Variants in CNPY2 observed in about 807,000 individuals in gnomAD.
CNPY2 encodes the protein protein canopy homolog 2.
In CNPY2, 19 loss-of-function variants were observed where a neutral mutation model predicts 25.5. The ratio of observed to expected loss-of-function variants is 0.74; its 90% CI spans 0.52 to 1.09. The LOEUF (loss-of-function observed/expected upper bound fraction) is 1.09, where lower values mean the gene tolerates loss of function less well. Ranked by LOEUF, CNPY2 falls within the 50% of genes least tolerant of loss-of-function variation. The pLI is 0.00. For missense variants in CNPY2, 214 were observed against 233.6 expected (o/e 0.92, Z 0.55); for synonymous variants, 82 against 85.0 (o/e 0.96, Z 0.19).
Position 56,312,899 on chromosome 12 carries a change from C to G in CNPY2, c.205-1485G>C, listed in dbSNP as rs1376070086. 2.0e-5 allele frequency: 3 copies of G among 152,118 alleles called. No homozygotes were observed. The East Asian group carries it at 5.8e-4, about 29-fold the overall frequency. The allele number at this position is 152,118 out of a possible 1,614,324, so 9.4% of individuals were successfully genotyped here. A position where few individuals can be genotyped will look rare whatever the true frequency, so the allele number is the denominator to read the frequency against. ...CATTGTACAATTCTAAGAAACAAGA[C>G]AGTTAACATTAGCTCCAAGTTATAA... On this transcript the variant is annotated intron_variant, in intron 3 of 5. Coordinates refer to ENST00000273308, the MANE Select transcript of CNPY2 (RefSeq NM_014255.7).
In CNPY2 at chr12:56,315,203, A is replaced by T. The variant is rs763640795; in HGVS notation, c.15T>A (p.Gly5=). The change falls in exon 2 of 6, where the codon GGT becomes GGA. Residue 5 remains glycine (G), a synonymous_variant. Transcript: ENST00000273308. MKGW[G]WLALLLGALL... Reference sequence around the variant, plus strand: ...GGGCCCCCAGAAGCAGGGCCAGCCAACCCCAGCCTTTCATCTTTAGCGTAA... The same window carrying T: ...GGGCCCCCAGAAGCAGGGCCAGCCATCCCCAGCCTTTCATCTTTAGCGTAA... The T allele has an allele frequency of 1.2e-6, 2 of 1,613,756 alleles. No individual in the cohort carries two copies. The highest frequency in any genetic ancestry group is 2.2e-5 in the South Asian group (2 of 91,066).
chr12:56,310,821 G>T, intron 5 of CNPY2, 137 bp downstream of exon 5: 1 of 887,760 alleles, frequency 1.1e-6, no homozygotes, highest in Non-Finnish European at 1.8e-6. Flanking sequence ...AACACCCCAA[G>T]TCCCTAAGCC....
chr12:56,311,517 A>C, intron 3 of CNPY2, 103 bp from the exon 4 acceptor site: 6 of 1,151,432 alleles, frequency 5.2e-6, no homozygotes, highest in Non-Finnish European at 7.8e-6. Flanking sequence ...ACCTATTCTA[A>C]AAAGCTTTCC....
At chr12:56,310,929 GA>G (rs766168042) in intron 5 of CNPY2, 28 bp downstream of exon 5, 1 of 1,594,150 alleles carries the variant, frequency 6.3e-7, no homozygotes, top group South Asian at 1.1e-5. Context: ...AGAGCTACTA[GA>G]ACAGGAGATA....
intron 2 of CNPY2, 60 bp from the exon 3 acceptor site, chr12:56,315,026 A>G (rs1873854652): frequency 6.2e-7 from 1 of 1,603,634 alleles, no homozygotes; most frequent in Admixed American, 1.7e-5. Context: ...TGTGAGGAGA[A>G]TGGGATCAAC....
chr12:56,311,332 A>G lies in CNPY2; in HGVS notation c.287T>C (p.Ile96Thr). 2 of 1,614,116 alleles carry G rather than the reference A, an allele frequency of 1.2e-6. No homozygotes were observed. Among genetic ancestry groups the G allele is most frequent in the South Asian group, 2.2e-5 (2 of 91,074 alleles). Residue 96 changes from isoleucine (I) to threonine (T), a missense_variant, in exon 4 of 6, where the codon ATT becomes ACT. Transcript: ENST00000273308. ...GTTCTTGCGATGGGTGGAAGGATCA[A>G]TCTGTTCCCCATACTCCTTCATCCG... is the stretch of plus-strand genomic sequence containing the variant. ...CDRMKEYGEQ[I>T]DPSTHRKNYV...
At chr12:56,314,314 G>C (rs910681155) in intron 3 of CNPY2, among the ~76,000 whole-genome samples, 3 of 152,162 alleles carry the variant, frequency 2.0e-5, no homozygotes, top group African/African-American at 7.2e-5. Context: ...GTCACTACAG[G>C]CACATGCCAC....
chr12:56,312,222 C>CTTTTTTTTTTTTTTTT (rs56822059), intron 3 of CNPY2, among the ~76,000 whole-genome samples: 9 of 135,890 alleles, frequency 6.6e-5, no homozygotes, highest in African/African-American at 2.1e-4. Flanking sequence ...CAAAGTACTT[C>CTTTTTTTTTTTTTTTT]TTTTTTTTTT....
rs983001729 is a variant in CNPY2, at chr12:56,310,111, G to A, written c.*441C>T. ...CCCTGTCTTACTTTATGTTTCAACA[G>A]CCATGAACACAAGGGATTTCTAGAA... On this transcript the variant is annotated 3_prime_UTR_variant, in exon 6 of 6. Transcript: ENST00000273308. 1.2e-5 allele frequency: 8 copies of A among 640,034 alleles called. No individual in the cohort carries two copies. The African/African-American group carries it at 1.5e-4, about 12-fold the overall frequency. The allele number at this position is 640,034 out of a possible 1,614,324, so 39.6% of individuals were successfully genotyped here. A position where few individuals can be genotyped will look rare whatever the true frequency, so the allele number is the denominator to read the frequency against.
upstream of CNPY2, chr12:56,316,185 T>A (rs1246602614): frequency 1.3e-5 from 2 of 152,694 alleles, no homozygotes; most frequent in Non-Finnish European, 2.9e-5. Context: ...CAGATCCACG[T>A]GACCACCAGG....
intron 3 of CNPY2, among the ~76,000 whole-genome samples, chr12:56,312,219 CTTCTTTT>C (rs1421930546): frequency 2.8e-5 from 2 of 72,626 alleles, no homozygotes; most frequent in African/African-American, 8.9e-5. Flanking sequence ...TTTCAAAGTA[CTTCTTTT>C]TTTTTTTTTT....
At chr12:56,311,742 G>A (rs1301420945) in intron 3 of CNPY2, 2 of 363,414 alleles carry the variant, frequency 5.5e-6, no homozygotes, top group Non-Finnish European at 1.1e-5. Flanking sequence ...AGTAGAGATG[G>A]GGTTTCTCTG....
Position 56,311,234 on chromosome 12 carries a change from T to C in CNPY2, c.385A>G (p.Ile129Val), listed in dbSNP as rs1433154907. 4 of 1,614,028 alleles carry C rather than the reference T, an allele frequency of 2.5e-6. No homozygotes were observed. Among genetic ancestry groups the C allele is most frequent in the East Asian group, 2.2e-5 (1 of 44,898 alleles). ...DLQGIRIDSD[I>V]SGTLKFACES... ...ACCGCAAACTTGAGGGTGCCGCTAA[T>C]ATCTGAGTCGATTCGGATGCCTTGT... The change falls in exon 4 of 6, where the codon ATT becomes GTT. Residue 129 changes from isoleucine to valine, a missense_variant. Physicochemically the swap from Ile to Val is conservative, Grantham distance 29 (BLOSUM62 3). Transcript: ENST00000273308.
In CNPY2 at chr12:56,310,464, CA is replaced by C; in HGVS notation, c.*87del. On this transcript the variant is annotated 3_prime_UTR_variant, in exon 6 of 6. Coordinates refer to ENST00000273308, the MANE Select transcript of CNPY2 (RefSeq NM_014255.7). ...GGTTTCATATTTTTTCAGTTAATTT[CA>C]GTAAAAACATAATATATAAAAGGCA... is the stretch of plus-strand genomic sequence containing the variant. 1 of 1,332,066 alleles carries C rather than the reference CA, an allele frequency of 7.5e-7. No homozygotes were observed. Among genetic ancestry groups the C allele is most frequent in the Non-Finnish European group, 1.1e-6 (1 of 931,568 alleles). The allele number at this position is 1,332,066 out of a possible 1,614,324, so 82.5% of individuals were successfully genotyped here. A position where few individuals can be genotyped will look rare whatever the true frequency, so the allele number is the denominator to read the frequency against.
Position 56,314,940 on chromosome 12 carries a change from C to T in CNPY2, c.115G>A (p.Glu39Lys). 6.2e-7 allele frequency: 1 copy of T among 1,614,128 alleles called. No individual in the cohort carries two copies. Among genetic ancestry groups the T allele is most frequent in the Non-Finnish European group, 8.5e-7 (1 of 1,180,020 alleles). The change falls in exon 3 of 6, where the codon GAA (glutamate) becomes AAA (lysine). Residue 39 changes from glutamate (E) to lysine (K), a missense_variant. Transcript: ENST00000273308. ...GACRALVDEL[E>K]WEIAQVDPKK... ...GGGTCCACCTGGGCAATTTCCCATT[C>T]TAGTTCATCCACCAGAGCCCTGCAT...
At position 56,315,193 on chromosome 12, in the gene CNPY2, G is replaced by A. The variant is rs765085995; in HGVS notation, c.25C>T (p.Leu9=). ...GTTCCCAGCAGGGCCCCCAGAAGCA[G>A]GGCCAGCCAACCCCAGCCTTTCATC... MKGWGWLA[L]LLGALLGTAW... Residue 9 remains leucine, a synonymous_variant, in exon 2 of 6, where the codon CTG becomes TTG. Coordinates refer to ENST00000273308, the MANE Select transcript of CNPY2 (RefSeq NM_014255.7). The A allele has an allele frequency of 1.1e-5, 17 of 1,614,010 alleles. No individual in the cohort carries two copies. The highest frequency in any genetic ancestry group is 6.7e-5 in the East Asian group (3 of 44,890).
chr12:56,310,531 AGTGTGG>A lies in CNPY2; in HGVS notation c.*15_*20del, dbSNP rs1253209736. The A allele has an allele frequency of 6.2e-7, 1 of 1,613,802 alleles. No homozygotes were observed. Among genetic ancestry groups the A allele is most frequent in the East Asian group, 2.2e-5 (1 of 44,886 alleles). On this transcript the variant is annotated 3_prime_UTR_variant, in exon 6 of 6. Transcript: ENST00000273308. ...CCTCCTGGGGGTGATCCATCAAGCC[AGTGTGG>A]GCTGCTCCAGTGGTTCATAGCTCAT... is the stretch of plus-strand genomic sequence containing the variant.
At chr12:56,314,172 G>A (rs1873807434) in intron 3 of CNPY2, among the ~76,000 whole-genome samples, 1 of 152,000 alleles carries the variant, frequency 6.6e-6, no homozygotes, top group Admixed American at 6.6e-5. Context: ...CAAAGTGCTG[G>A]GTTTTGGTTT....
chr12:56,315,019 G>C (rs1237996855), intron 2 of CNPY2, 53 bp from the exon 3 acceptor site: 1 of 1,604,466 alleles, frequency 6.2e-7, no homozygotes, highest in Non-Finnish European at 8.5e-7. Flanking sequence ...GGTAGGGTGT[G>C]AGGAGAATGG....
Sources: gnomAD v4.1 joint callset for allele counts (sites outside exome capture counted in the v4.1 genomes callset) on GRCh38, gnomAD v4.1.1 for gene constraint, MANE v1.5 for transcripts, NCBI Gene and HGNC (gene_info 2026-07-23, HGNC 2026-07-21) for gene names.